Variants in TRAF5 observed in about 807,000 individuals in gnomAD.
The protein encoded by TRAF5 is TNF receptor-associated factor 5.
In TRAF5, 48 loss-of-function variants were observed where a neutral mutation model predicts 64.5. The observed-to-expected ratio is 0.74, with a 90% CI of 0.59 to 0.95. The LOEUF (loss-of-function observed/expected upper bound fraction) is 0.95, where lower values mean the gene tolerates loss of function less well. Among genes scored for constraint, TRAF5 ranks in the 40% least tolerant of loss-of-function variants. The pLI is 0.00. For synonymous variants in TRAF5, 206 were observed against 240.5 expected (o/e 0.86, Z 1.33); for missense variants, 545 against 662.8 (o/e 0.82, Z 1.95).
Position 211,374,849 on chromosome 1 carries a change from T to G in TRAF5, c.*2147T>G, listed in dbSNP as rs1703643513. Reference sequence around the variant, plus strand: ...ATATATAAAGTATGTCATGGCATGGTTTGCTTAGGAGTTCAGAGTTCCTTC... The same window carrying G: ...ATATATAAAGTATGTCATGGCATGGGTTGCTTAGGAGTTCAGAGTTCCTTC... On this transcript the variant is annotated 3_prime_UTR_variant, in exon 11 of 11. Coordinates refer to ENST00000261464, the MANE Select transcript of TRAF5 (RefSeq NM_001033910.3). The G allele has an allele frequency of 6.6e-6, 1 of 152,186 alleles. No homozygotes were observed. The highest frequency in any genetic ancestry group is 2.1e-4 in the South Asian group (1 of 4,834). The allele number at this position is 152,186 out of a possible 1,614,324, so 9.4% of individuals were successfully genotyped here. A position where few individuals can be genotyped will look rare whatever the true frequency, so the allele number is the denominator to read the frequency against.
At chr1:211,343,325 G>A (rs569387838) in intron 1 of TRAF5, among the ~76,000 whole-genome samples, 5 of 152,180 alleles carry the variant, frequency 3.3e-5, no homozygotes, top group African/African-American at 9.6e-5. Flanking sequence ...GGAGGGGCAG[G>A]GAGGAACCCC....
intron 1 of TRAF5, among the ~76,000 whole-genome samples, chr1:211,352,176 A>G (rs892777957): frequency 3.9e-5 from 6 of 152,192 alleles, no homozygotes; most frequent in East Asian, 3.9e-4. Context: ...TTACAGTTCC[A>G]TGTGGCTGCA....
At chr1:211,354,156 G>A (rs1169340310) in intron 2 of TRAF5, among the ~76,000 whole-genome samples, 1 of 152,148 alleles carries the variant, frequency 6.6e-6, no homozygotes, top group African/African-American at 2.4e-5. Flanking sequence ...ACAAAGGACA[G>A]GGGGCATTCA....
At chr1:211,326,644 G>C (rs1357135717), upstream of TRAF5, 1 of 976,846 alleles carries the variant, frequency 1.0e-6, no homozygotes, top group Non-Finnish European at 1.2e-6. This position sits in a 1 kb window ranked among gnomAD's most constrained non-coding sequence, Gnocchi z 5.0. Context: ...CAGATGACTG[G>C]ACTTGTAGAT....
chr1:211,368,814 C>T (rs903109143), intron 8 of TRAF5: 2 of 152,180 alleles, frequency 1.3e-5, no homozygotes, highest in Non-Finnish European at 2.9e-5. Flanking sequence ...TACTTAAACT[C>T]TCTACCTCTG....
At chr1:211,333,923 C>G (rs1702226109) in intron 1 of TRAF5, among the ~76,000 whole-genome samples, 1 of 152,224 alleles carries the variant, frequency 6.6e-6, no homozygotes, top group Non-Finnish European at 1.5e-5. Flanking sequence ...CTTTTCAAAA[C>G]AAATTCAAAA....
chr1:211,352,239 G>A (rs866756596), intron 1 of TRAF5, among the ~76,000 whole-genome samples: 1 of 152,038 alleles, frequency 6.6e-6, no homozygotes, highest in African/African-American at 2.4e-5. Context: ...CGTCTTACAT[G>A]GATGGCAGTA....
intron 7 of TRAF5, among the ~76,000 whole-genome samples, chr1:211,361,413 CA>C: frequency 6.6e-6 from 1 of 152,190 alleles, no homozygotes; most frequent in Non-Finnish European, 1.5e-5. Context: ...GGCAGCTCAG[CA>C]ATCTGGAAAC....
In TRAF5 at chr1:211,344,180, G is replaced by A. The variant is rs909158008; in HGVS notation, c.-1-9059G>A. On this transcript the variant is annotated intron_variant, in intron 1 of 10. Transcript: ENST00000261464. ...TCAGGCCAGCATGGGTGTGCAGCCT[G>A]GAGGGTTGGGGGAAGAGGGATGCCC... is the stretch of plus-strand genomic sequence containing the variant. Among the ~76,000 whole-genome samples the A allele has an allele frequency of 4.6e-5, 7 of 152,248 alleles. No individual in the cohort carries two copies. In the East Asian group the frequency reaches 9.7e-4, roughly 21 times the overall value.
upstream of TRAF5, chr1:211,326,704 GGT>G (rs1702018945): frequency 1.0e-6 from 1 of 985,906 alleles, no homozygotes; most frequent in African/African-American, 1.7e-5. This position sits in a 1 kb window ranked among gnomAD's most constrained non-coding sequence, Gnocchi z 5.0. Flanking sequence ...CCTGGATGAC[GGT>G]CTCAGCCTCC....
intron 1 of TRAF5, among the ~76,000 whole-genome samples, chr1:211,345,116 C>T (rs1489393702): frequency 6.6e-6 from 1 of 152,124 alleles, no homozygotes; most frequent in Non-Finnish European, 1.5e-5. Flanking sequence ...AGGATTTCTC[C>T]ATGTTGGTCA....
rs1703611675 is a variant in TRAF5, at chr1:211,373,783, A to C, written c.*1081A>C. On this transcript the variant is annotated 3_prime_UTR_variant, in exon 11 of 11. Transcript: ENST00000261464. The stretch of plus-strand genomic sequence containing the variant: ...AGAGTTTCATTGTCACCCAGGCTGG[A>C]GTACAGTGGCATGATCTCAGCTCAC... 1 of 152,228 alleles carries C rather than the reference A, an allele frequency of 6.6e-6. No individual in the cohort carries two copies. Among genetic ancestry groups the C allele is most frequent in the Non-Finnish European group, 1.5e-5 (1 of 68,052 alleles). 9.4% of individuals were successfully genotyped at this position (152,228 alleles called of 1,614,324 possible).
chr1:211,356,448 G>T lies in TRAF5; in HGVS notation c.358G>T (p.Val120Phe), dbSNP rs764364367. Residue 120 changes from valine (V) to phenylalanine (F), a missense_variant, in exon 4 of 11, where the codon GTT becomes TTT. Physicochemically the swap from Val to Phe is conservative, Grantham distance 50. Coordinates refer to ENST00000261464, the MANE Select transcript of TRAF5 (RefSeq NM_001033910.3). ...CAATGCTCCTGGATGTAATGCCAAG[G>T]TTATTCTGGGCCGGTACCAGGTTGG... ...CSNAPGCNAK[V>F]ILGRYQDHLQ... The T allele has an allele frequency of 3.1e-6, 5 of 1,614,090 alleles. No individual in the cohort carries two copies. Among genetic ancestry groups the T allele is most frequent in the African/African-American group, 2.7e-5 (2 of 75,036 alleles).
At chr1:211,341,728 C>T (rs55654731) in intron 1 of TRAF5, among the ~76,000 whole-genome samples, 25,436 of 152,130 alleles carry the variant, frequency 0.17, 2,251 homozygotes, top group African/African-American at 0.23. Context: ...GCCAGAGCTC[C>T]AGGGGGTGGG....
At chr1:211,336,983 C>A (rs948870044) in intron 1 of TRAF5, among the ~76,000 whole-genome samples, 2 of 152,076 alleles carry the variant, frequency 1.3e-5, no homozygotes, top group African/African-American at 2.4e-5. Flanking sequence ...CCGCTCGCCT[C>A]GGCCTTCCAA....
In TRAF5 at chr1:211,374,335, C is replaced by T. The variant is rs1201257396; in HGVS notation, c.*1633C>T. On this transcript the variant is annotated 3_prime_UTR_variant, in exon 11 of 11. Transcript: ENST00000261464. ...TGGGCACGCAAGGATGAGTATGGGC[C>T]ATGGGCCCCTGTAGAGCTGCTTACC... The T allele has an allele frequency of 1.3e-5, 2 of 152,862 alleles. No homozygotes were observed. Among genetic ancestry groups the T allele is most frequent in the Non-Finnish European group, 2.9e-5 (2 of 68,098 alleles). 9.5% of individuals were successfully genotyped at this position (152,862 alleles called of 1,614,324 possible). A position where few individuals can be genotyped will look rare whatever the true frequency, so the allele number is the denominator to read the frequency against.
At chr1:211,330,456 TCTC>T (rs1190422538) in intron 1 of TRAF5, among the ~76,000 whole-genome samples, 2 of 151,252 alleles carry the variant, frequency 1.3e-5, no homozygotes, top group Non-Finnish European at 2.9e-5. Flanking sequence ...AAGTCAGCTC[TCTC>T]CTCCTCCCTC....
At chr1:211,337,451 C>T (rs747011202) in intron 1 of TRAF5, among the ~76,000 whole-genome samples, 11 of 152,142 alleles carry the variant, frequency 7.2e-5, no homozygotes, top group Non-Finnish European at 8.8e-5. Flanking sequence ...GGCAGAGAAA[C>T]GAAGGGCCCT....
At chr1:211,327,292 C>G (rs979239637) in intron 1 of TRAF5, among the ~76,000 whole-genome samples, 4 of 152,182 alleles carry the variant, frequency 2.6e-5, no homozygotes, top group African/African-American at 9.7e-5. Context: ...TCCCGCACAT[C>G]CGCACTGCAA....
Sources: allele counts gnomAD v4.1 joint callset (sites outside exome capture counted in the v4.1 genomes callset), GRCh38; gene constraint gnomAD v4.1.1; non-coding constraint Gnocchi (gnomAD v3.1); transcripts MANE v1.5; gene names NCBI Gene and HGNC (gene_info 2026-07-23, HGNC 2026-07-21).